The following CLEC16A variants were observed in gnomAD, a reference collection of about 807,000 sequenced individuals.
CLEC16A encodes the protein protein CLEC16A.
A neutral mutation model predicts 109.5 loss-of-function variants in CLEC16A; 51 were observed. That is an observed-to-expected ratio of 0.47 (90% confidence interval 0.37 to 0.59). The LOEUF is 0.59. CLEC16A is among the 20% of genes least tolerant of loss of function. The pLI is 0.00. For synonymous variants in CLEC16A, 673 were observed against 564.2 expected, an observed-to-expected ratio of 1.19 and a Z score of -2.73; for missense variants, 1,339 against 1,394.0, an observed-to-expected ratio of 0.96 and a Z score of 0.63.
chr16:11,134,732 G>T lies in CLEC16A; in HGVS notation c.2641+8586G>T, dbSNP rs192339638. Among the ~76,000 whole-genome samples, 19 of 152,340 alleles carry T rather than the reference G, an allele frequency of 1.2e-4. No individual in the cohort carries two copies. In the East Asian group the frequency reaches 3.7e-3, roughly 29 times the overall value. On this transcript the variant is annotated intron_variant, in intron 22 of 23. Transcript: ENST00000409790. The stretch of plus-strand genomic sequence containing the variant: ...GACACTCAAAAAGTTTTGGATTTTG[G>T]ATTTTCAGATTTGGATTGCTCAACC...
At chr16:11,098,191 T>G (rs905481619) in intron 19 of CLEC16A, among the ~76,000 whole-genome samples, 1 of 152,184 alleles carries the variant, frequency 6.6e-6, no homozygotes, top group African/African-American at 2.4e-5. Flanking sequence ...CGCACTAGCA[T>G]GGTGGCAAAC....
At chr16:11,049,415 C>G (rs1444325077) in intron 17 of CLEC16A, among the ~76,000 whole-genome samples, 1 of 152,132 alleles carries the variant, frequency 6.6e-6, no homozygotes, top group Non-Finnish European at 1.5e-5. Context: ...ACAACAAATA[C>G]TCATGGGTCT....
chr16:11,051,639 C>A lies in CLEC16A; in HGVS notation c.1993C>A (p.Arg665=), dbSNP rs74163622. The change falls in exon 18 of 24, where the codon CGG becomes AGG. Residue 665 remains arginine (R), a splice_region_variant and synonymous_variant. Transcript: ENST00000409790. ...LPCGDVEKTR[R]AIRVFFMLRS... Reference sequence around the variant, plus strand: ...GTGTGGCGATGTGGAGAAGACCCGGCGGGTGAGTGAGCACAGGACCTGTCA... The same window carrying A: ...GTGTGGCGATGTGGAGAAGACCCGGAGGGTGAGTGAGCACAGGACCTGTCA... 4.3e-6 allele frequency: 7 copies of A among 1,613,748 alleles called. No individual in the cohort carries two copies. Among genetic ancestry groups the A allele is most frequent in the Non-Finnish European group, 5.9e-6 (7 of 1,179,702 alleles).
At chr16:11,027,850 T>G in intron 13 of CLEC16A, 1 of 674,852 alleles carries the variant, frequency 1.5e-6, no homozygotes, top group Admixed American at 2.2e-5. Context: ...TCAAGTGTCT[T>G]CAGAGAAGAT....
intron 10 of CLEC16A, among the ~76,000 whole-genome samples, chr16:10,985,223 ATATAT>A: frequency 7.3e-6 from 1 of 137,344 alleles, no homozygotes; most frequent in Non-Finnish European, 1.6e-5. Flanking sequence ...AAAAAAAAAT[ATATAT>A]ATATATATAG....
intron 19 of CLEC16A, among the ~76,000 whole-genome samples, chr16:11,119,966 G>T (rs62029618): frequency 0.014 from 2,125 of 150,860 alleles, 68 homozygotes; most frequent in African/African-American, 0.05. Context: ...TTTGTGTTGT[G>T]TTGTTTTGTT....
At chr16:11,147,703 G>A (rs1177610719) in intron 22 of CLEC16A, among the ~76,000 whole-genome samples, 1 of 152,164 alleles carries the variant, frequency 6.6e-6, no homozygotes, top group East Asian at 1.9e-4. Flanking sequence ...CAATGAAACT[G>A]TTGTATTAAA....
chr16:11,159,239 G>A (rs1219708263), intron 22 of CLEC16A, among the ~76,000 whole-genome samples: 1 of 152,226 alleles, frequency 6.6e-6, no homozygotes, highest in African/African-American at 2.4e-5. Context: ...CACAAAAGCT[G>A]AATGTCCCAT....
At chr16:11,151,602 C>G (rs981895825) in intron 22 of CLEC16A, among the ~76,000 whole-genome samples, 1 of 152,238 alleles carries the variant, frequency 6.6e-6, no homozygotes, top group Non-Finnish European at 1.5e-5. Flanking sequence ...TGTACTCTTG[C>G]ATCTGTATAG....
At chr16:11,013,609 T>A (rs2152781517) in intron 11 of CLEC16A, among the ~76,000 whole-genome samples, 1 of 152,130 alleles carries the variant, frequency 6.6e-6, no homozygotes, top group South Asian at 2.1e-4. Context: ...TACAAAAAAA[T>A]TAGCCAGGCA....
Position 11,020,291 on chromosome 16 carries a change from G to A in CLEC16A, c.1402G>A (p.Ala468Thr), listed in dbSNP as rs754883882. 24 of 1,613,060 alleles carry A rather than the reference G, an allele frequency of 1.5e-5. No individual in the cohort carries two copies. Among genetic ancestry groups the A allele is most frequent in the African/African-American group, 4.0e-5 (3 of 74,892 alleles). Residue 468 changes from alanine to threonine, a missense_variant, in exon 12 of 24, where the codon GCC becomes ACC. This residue lies in a region of CLEC16A where 1,061 missense variants were observed against 1,006.8 expected (regional missense o/e 1.05). Coordinates refer to ENST00000409790, the MANE Select transcript of CLEC16A (RefSeq NM_015226.3). ...CACCACGGACGAGGAGAAAAGCGCC[G>A]CCGCCACCTGCTCTGAGAGCACGCA... ...QNTTDEEKSAAATCSESTQWS... is the reference protein window; with the variant it reads ...QNTTDEEKSATATCSESTQWS...
At position 11,061,037 on chromosome 16, in the gene CLEC16A, C is replaced by A; in HGVS notation, c.2116+15C>A. 2 of 1,596,340 alleles carry A rather than the reference C, an allele frequency of 1.3e-6. No individual in the cohort carries two copies. Among genetic ancestry groups the A allele is most frequent in the South Asian group, 2.2e-5 (2 of 89,322 alleles). On this transcript the variant is annotated intron_variant, in intron 19 of 23. Transcript: ENST00000409790. ...CCTGGATCTGAGTGAGTTGGCTGCT[C>A]TGAGTCACAGCAGGGGGCTGGGGGA...
intron 10 of CLEC16A, among the ~76,000 whole-genome samples, chr16:10,995,232 A>G (rs2044257965): frequency 6.6e-6 from 1 of 152,232 alleles, no homozygotes; most frequent in South Asian, 2.1e-4. Flanking sequence ...AGATGCTAAT[A>G]TGATGCCCAT....
intron 7 of CLEC16A, among the ~76,000 whole-genome samples, chr16:10,974,758 A>T (rs952150324): frequency 6.6e-6 from 1 of 152,264 alleles, no homozygotes; most frequent in Non-Finnish European, 1.5e-5. Context: ...ACAGTCATGG[A>T]TGCGAGACAT....
chr16:11,106,762 C>T (rs1158924799), intron 19 of CLEC16A, among the ~76,000 whole-genome samples: 1 of 152,070 alleles, frequency 6.6e-6, no homozygotes, highest in Non-Finnish European at 1.5e-5. Context: ...CCAAATACTC[C>T]AGCTTGCATA....
chr16:10,986,730 A>AGTGTGTGTGT lies in CLEC16A; in HGVS notation c.1071+3739_1071+3740insGTGTGTGTGT, dbSNP rs200977014. 6.0e-3 allele frequency among the ~76,000 whole-genome samples: 697 copies of AGTGTGTGTGT among 116,848 alleles called. 4 individuals are homozygous for AGTGTGTGTGT. Among genetic ancestry groups the AGTGTGTGTGT allele is most frequent in the Non-Finnish European group, 7.7e-3 (474 of 61,762 alleles). The allele number at this position is 116,848 out of a possible 152,430, so 76.7% of individuals were successfully genotyped here. On this transcript the variant is annotated intron_variant, in intron 10 of 23. Transcript: ENST00000409790. ...ATCAGAATTTATTTCTTTAAGGCTC[A>AGTGTGTGTGT]ATGTGTGTGTGTGTGTGTGTGTGTG...
chr16:11,007,523 T>C (rs555485000), intron 11 of CLEC16A, among the ~76,000 whole-genome samples: 1 of 152,334 alleles, frequency 6.6e-6, no homozygotes, highest in Admixed American at 6.5e-5. Flanking sequence ...CTCTCTGCAC[T>C]TCTCCACCTA....
rs756250093 is a variant in CLEC16A at position 11,020,268 on chromosome 16, C to G, written c.1379C>G (p.Thr460Ser). 5 of 1,613,774 alleles carry G rather than the reference C, an allele frequency of 3.1e-6. No homozygotes were observed. In the African/African-American group the frequency reaches 4.0e-5, roughly 13 times the overall value. ...AGCACCTCCGTGCAGGAGCAGAACA[C>G]CACGGACGAGGAGAAAAGCGCCGCC... ...AASTSVQEQN[T>S]TDEEKSAAAT... The change falls in exon 12 of 24, where the codon ACC becomes AGC. Residue 460 changes from threonine to serine, a missense_variant. Physicochemically the swap from Thr to Ser is moderately conservative, Grantham distance 58. Coordinates refer to ENST00000409790, the MANE Select transcript of CLEC16A (RefSeq NM_015226.3).
intron 19 of CLEC16A, among the ~76,000 whole-genome samples, chr16:11,110,796 A>G (rs76310604): frequency 0.091 from 13,920 of 152,260 alleles, 675 homozygotes; most frequent in East Asian, 0.12. Flanking sequence ...GACTCAGAAA[A>G]GGGAGGTGAT....
Sources: gnomAD v4.1 joint callset for allele counts (sites outside exome capture counted in the v4.1 genomes callset) on GRCh38, gnomAD v4.1.1 for gene constraint, gnomAD v4.1.1 regional missense constraint, MANE v1.5 for transcripts, NCBI Gene and HGNC (gene_info 2026-07-23, HGNC 2026-07-21) for gene names.